Variants in TRPM3 observed in about 807,000 individuals in gnomAD.
TRPM3 encodes transient receptor potential cation channel subfamily M member 3, also known as long transient receptor potential channel 3.
TRPM3 carries 77 observed loss-of-function variants against 181.2 expected under a neutral mutation model. That is an observed-to-expected ratio of 0.42 (90% CI 0.35 to 0.51). The LOEUF (loss-of-function observed/expected upper bound fraction) is 0.51, where lower values mean the gene tolerates loss of function less well. Among genes scored for constraint, TRPM3 ranks in the 20% least tolerant of loss-of-function variants. The probability of loss-of-function intolerance (pLI) is 0.01; values close to 1 mark genes in which losing one functional copy is unlikely to be tolerated. For missense variants in TRPM3, 1,759 were observed against 2,196.7 expected (o/e 0.80, Z 3.98); for synonymous variants, 745 against 796.4 (o/e 0.94, Z 1.09).
At chr9:70,672,606 C>A (rs1242094862) in intron 9 of TRPM3, among the ~76,000 whole-genome samples, 2 of 152,156 alleles carry the variant, frequency 1.3e-5, no homozygotes, top group African/African-American at 4.8e-5. Flanking sequence ...GATGCTCTAA[C>A]AATTTAAAAA....
intron 7 of TRPM3, among the ~76,000 whole-genome samples, chr9:70,779,471 A>G (rs1333040137): frequency 1.3e-5 from 2 of 152,126 alleles, no homozygotes; most frequent in Non-Finnish European, 2.9e-5. Context: ...TTTCACACTG[A>G]CTTTTTTTAT....
chr9:71,069,601 CT>C (rs1056414863), intron 1 of TRPM3, among the ~76,000 whole-genome samples: 1 of 135,550 alleles, frequency 7.4e-6, no homozygotes, highest in South Asian at 2.5e-4. Flanking sequence ...GCCAAAATTC[CT>C]TTTTTCTTTT....
intron 1 of TRPM3, among the ~76,000 whole-genome samples, chr9:71,008,847 A>AAAAC (rs1448286267): frequency 6.6e-6 from 1 of 152,390 alleles, no homozygotes; most frequent in East Asian, 1.9e-4. Flanking sequence ...TCCATCTCAA[A>AAAAC]AAACAACAAC....
Position 70,602,106 on chromosome 9 carries a change from CTTTTTT to C in TRPM3, c.2796+1230_2796+1235del, listed in dbSNP as rs6151027. ...CCAGCTGGAACAAGGCAAGGCATTC[CTTTTTT>C]TTTTTTTTTTTTAAATCCAGGCTCT... is the stretch of plus-strand genomic sequence containing the variant. On this transcript the variant is annotated intron_variant, in intron 20 of 25. Transcript: ENST00000677713. Among the ~76,000 whole-genome samples the C allele has an allele frequency of 1.3e-3, 162 of 128,184 alleles. 1 individual carries two copies. The highest frequency in any genetic ancestry group is 4.6e-3 in the African/African-American group (156 of 34,024). 84.1% of individuals were successfully genotyped at this position (128,184 alleles called of 152,430 possible). A position where few individuals can be genotyped will look rare whatever the true frequency, so the allele number is the denominator to read the frequency against.
intron 1 of TRPM3, among the ~76,000 whole-genome samples, chr9:71,004,727 C>G (rs1011833942): frequency 6.6e-6 from 1 of 151,918 alleles, no homozygotes; most frequent in African/African-American, 2.4e-5. Context: ...GGATAGATAA[C>G]TAAATGAAAT....
chr9:70,934,778 T>C (rs1288156396), intron 1 of TRPM3, among the ~76,000 whole-genome samples: 3 of 152,136 alleles, frequency 2.0e-5, no homozygotes, highest in Non-Finnish European at 2.9e-5. Flanking sequence ...ACTGAGAAGG[T>C]GTACAGTTGA....
intron 22 of TRPM3, among the ~76,000 whole-genome samples, chr9:70,581,173 AG>A (rs1468819008): frequency 6.6e-6 from 1 of 152,270 alleles, no homozygotes; most frequent in Non-Finnish European, 1.5e-5. Flanking sequence ...GCCTGGGCCA[AG>A]AAATAGCCCC....
chr9:71,240,604 A>G (rs2081605400), intron 1 of TRPM3, among the ~76,000 whole-genome samples: 2 of 152,230 alleles, frequency 1.3e-5, no homozygotes, highest in African/African-American at 4.8e-5. Context: ...TTTGCATCAA[A>G]TAGCCAGAAT....
intron 1 of TRPM3, among the ~76,000 whole-genome samples, chr9:71,131,014 C>A (rs529856685): frequency 4.0e-4 from 61 of 152,244 alleles, no homozygotes; most frequent in African/African-American, 1.4e-3. Context: ...TAAAATAGAT[C>A]AAGCCACTCC....
At chr9:71,326,793 G>T (rs1254104583) in intron 1 of TRPM3, among the ~76,000 whole-genome samples, 2 of 152,096 alleles carry the variant, frequency 1.3e-5, no homozygotes, top group African/African-American at 4.8e-5. Context: ...GCAACTCTGG[G>T]GCCCTGATAA....
chr9:70,981,295 C>A (rs570751689), intron 1 of TRPM3, among the ~76,000 whole-genome samples: 3 of 152,110 alleles, frequency 2.0e-5, no homozygotes, highest in Admixed American at 6.5e-5. Flanking sequence ...ATCATTAGTG[C>A]GATCCCTTTG....
chr9:70,536,761 G>A lies in TRPM3; in HGVS notation c.4352C>T (p.Ala1451Val), dbSNP rs746588506. 1.2e-5 allele frequency: 19 copies of A among 1,614,072 alleles called. No individual in the cohort carries two copies. The African/African-American group carries it at 2.3e-4, about 19-fold the overall frequency. The change falls in exon 26 of 26, where the codon GCC becomes GTC. Residue 1451 changes from alanine (A) to valine (V), a missense_variant. By Grantham distance (64) the Ala-to-Val change is moderately conservative. Coordinates refer to ENST00000677713, the MANE Select transcript of TRPM3 (RefSeq NM_001366145.2). ...TGTTGCATAGGCACTACTTGAAGGG[G>A]CTGTGGAAGGTACTGGAGTTGAAAA... ...PSFSTPVPSTAPSSSAYATLA... is the reference protein window; with the variant it reads ...PSFSTPVPSTVPSSSAYATLA...
rs2096605811 is a variant in TRPM3 at position 70,917,210 on chromosome 9, T to C, written c.178-52699A>G. The C allele has an allele frequency of 1.9e-6, 3 of 1,598,300 alleles. No homozygotes were observed. The Admixed American group carries it at 5.0e-5, about 27-fold the overall frequency. On this transcript the variant is annotated intron_variant, in intron 1 of 25. Coordinates refer to ENST00000677713, the MANE Select transcript of TRPM3 (RefSeq NM_001366145.2). Reference sequence around the variant, plus strand: ...TTTAAACACAACTTTATTGAAGTCCTGGATTGCAAAATACAGGGCAATAGC... The same window carrying C: ...TTTAAACACAACTTTATTGAAGTCCCGGATTGCAAAATACAGGGCAATAGC...
At chr9:71,275,489 CGTGT>C (rs889060838) in intron 1 of TRPM3, among the ~76,000 whole-genome samples, 9 of 151,636 alleles carry the variant, frequency 5.9e-5, no homozygotes, top group African/African-American at 1.4e-4. Context: ...ATTCCAACCC[CGTGT>C]GTGTGTGTGC....
At chr9:71,005,022 C>T (rs1311355279) in intron 1 of TRPM3, among the ~76,000 whole-genome samples, 1 of 152,010 alleles carries the variant, frequency 6.6e-6, no homozygotes, top group Non-Finnish European at 1.5e-5. Context: ...TAGGAGTTCC[C>T]AAGGGAGATG....
At chr9:71,193,942 C>T (rs1308709973) in intron 1 of TRPM3, among the ~76,000 whole-genome samples, 1 of 151,712 alleles carries the variant, frequency 6.6e-6, no homozygotes, top group Non-Finnish European at 1.5e-5. Flanking sequence ...CAGCGTGCAC[C>T]CAAACCATCA....
Position 70,920,374 on chromosome 9 carries a change from C to T in TRPM3, c.178-55863G>A, listed in dbSNP as rs1329967507. On this transcript the variant is annotated intron_variant, in intron 1 of 25. Transcript: ENST00000677713. The stretch of plus-strand genomic sequence containing the variant: ...CTTTGAAAAGTCTATTAGGTTTTTG[C>T]TGTGGTAATGACATAGAAATAATGA... Among the ~76,000 whole-genome samples, 8 of 152,074 alleles carry T rather than the reference C, an allele frequency of 5.3e-5. No homozygotes were observed. In the South Asian group the frequency reaches 1.0e-3, roughly 20 times the overall value.
At chr9:70,990,538 C>G (rs892417494) in intron 1 of TRPM3, among the ~76,000 whole-genome samples, 4 of 152,120 alleles carry the variant, frequency 2.6e-5, no homozygotes, top group African/African-American at 9.7e-5. Flanking sequence ...ATCATATGTG[C>G]TTGGATCCAA....
intron 25 of TRPM3, 102 bp from the exon 26 acceptor site, chr9:70,537,507 C>G: frequency 9.3e-7 from 1 of 1,071,762 alleles, no homozygotes; most frequent in Non-Finnish European, 1.2e-6. Flanking sequence ...ACCTTGGTAC[C>G]TTCAATGGAA....
Sources: allele counts gnomAD v4.1 joint callset (sites outside exome capture counted in the v4.1 genomes callset), GRCh38; gene constraint gnomAD v4.1.1; transcripts MANE v1.5; gene names NCBI Gene and HGNC (gene_info 2026-07-23, HGNC 2026-07-21).